Variants in SRGAP3 observed in about 807,000 individuals in gnomAD.
The protein encoded by SRGAP3 is SLIT-ROBO Rho GTPase-activating protein 3.
Under a neutral mutation model 121.1 loss-of-function variants are expected in SRGAP3, and 39 were observed. The ratio of observed to expected loss-of-function variants is 0.32; its 90% CI spans 0.25 to 0.42. SRGAP3 has a LOEUF of 0.42. SRGAP3 is among the 10% of genes least tolerant of loss of function. SRGAP3 has a pLI of 1.00. For missense variants in SRGAP3, 1,213 were observed against 1,470.6 expected (o/e 0.82, Z 2.86); for synonymous variants, 601 against 570.0 (o/e 1.05, Z -0.77).
At chr3:9,052,466 A>C (rs567617671) in intron 9 of SRGAP3, among the ~76,000 whole-genome samples, 2 of 152,328 alleles carry the variant, frequency 1.3e-5, no homozygotes, top group Non-Finnish European at 2.9e-5. Flanking sequence ...GGAAGATTTA[A>C]GGTCCCTTAC....
Position 8,982,991 on chromosome 3 carries a change from G to A in SRGAP3, c.*2528C>T, listed in dbSNP as rs1158143162. The A allele has an allele frequency of 1.3e-5, 3 of 229,086 alleles. No individual in the cohort carries two copies. Among genetic ancestry groups the A allele is most frequent in the South Asian group, 1.8e-4 (1 of 5,478 alleles). The allele number at this position is 229,086 out of a possible 1,614,324, so 14.2% of individuals were successfully genotyped here. The stretch of plus-strand genomic sequence containing the variant: ...GGTCTGATTGGTGTTATGTATATCA[G>A]GCAACAGATTTTTCTACTCTGATTG... On this transcript the variant is annotated 3_prime_UTR_variant, in exon 22 of 22. Transcript: ENST00000383836.
intron 1 of SRGAP3, among the ~76,000 whole-genome samples, chr3:9,161,443 AT>A (rs1384024898): frequency 6.6e-6 from 1 of 152,154 alleles, no homozygotes; most frequent in Non-Finnish European, 1.5e-5. Context: ...GTGTCATCTC[AT>A]TGGATCTTCA....
At chr3:9,075,630 T>C (rs1946941445) in intron 4 of SRGAP3, among the ~76,000 whole-genome samples, 2 of 152,188 alleles carry the variant, frequency 1.3e-5, no homozygotes, top group Admixed American at 6.5e-5. Context: ...TTAGCATTTA[T>C]CTCCACCATC....
At chr3:9,261,061 G>A (rs537620506) in intron 3 of SRGAP3, among the ~76,000 whole-genome samples, 21 of 152,288 alleles carry the variant, frequency 1.4e-4, no homozygotes, top group Non-Finnish European at 2.8e-4. Context: ...AGGCAAACAG[G>A]ATCTGGAGTG....
intron 3 of SRGAP3, among the ~76,000 whole-genome samples, chr3:9,299,637 A>G (rs977112395): frequency 6.6e-6 from 1 of 151,642 alleles, no homozygotes; most frequent in Non-Finnish European, 1.5e-5. Flanking sequence ...CGGCCAGGTG[A>G]GGTGGCTCAC....
chr3:9,039,966 T>G (rs1281890778), intron 10 of SRGAP3, among the ~76,000 whole-genome samples: 1 of 152,194 alleles, frequency 6.6e-6, no homozygotes, highest in Non-Finnish European at 1.5e-5. Flanking sequence ...TTCACCCAAG[T>G]CTTCAATATC....
At position 8,993,176 on chromosome 3, in the gene SRGAP3, C is replaced by G. The variant is rs575535312; in HGVS notation, c.2409-121G>C. Reference sequence around the variant, plus strand: ...ACAACTTATGGTTACTTTGTGCCCACAGCGCTTGCTAGGCCACTGCCCACT... The same window carrying G: ...ACAACTTATGGTTACTTTGTGCCCAGAGCGCTTGCTAGGCCACTGCCCACT... On this transcript the variant is annotated intron_variant, in intron 19 of 21. Coordinates refer to ENST00000383836, the MANE Select transcript of SRGAP3 (RefSeq NM_014850.4). 2.5e-5 allele frequency: 38 copies of G among 1,503,580 alleles called. No homozygotes were observed. The South Asian group carries it at 3.8e-4, about 15-fold the overall frequency. The allele number at this position is 1,503,580 out of a possible 1,614,324, so 93.1% of individuals were successfully genotyped here.
intron 1 of SRGAP3, among the ~76,000 whole-genome samples, chr3:9,150,403 A>G (rs563706690): frequency 6.6e-6 from 1 of 152,150 alleles, no homozygotes; most frequent in South Asian, 2.1e-4. Flanking sequence ...TCTTCATCCC[A>G]GGCACTTTTT....
intron 3 of SRGAP3, among the ~76,000 whole-genome samples, chr3:9,090,332 C>G (rs960642957): frequency 1.1e-4 from 16 of 152,030 alleles, no homozygotes; most frequent in African/African-American, 3.9e-4. Context: ...TGTGGATGAG[C>G]TCAGCATTGT....
chr3:9,039,300 C>CCT (rs1944912690), intron 10 of SRGAP3, among the ~76,000 whole-genome samples: 2 of 152,274 alleles, frequency 1.3e-5, no homozygotes, highest in African/African-American at 4.8e-5. Flanking sequence ...TTCTGCCCAA[C>CCT]CTCAAACCTC....
intron 1 of SRGAP3, among the ~76,000 whole-genome samples, chr3:9,136,168 C>T (rs1477831219): frequency 6.6e-6 from 1 of 152,148 alleles, no homozygotes; most frequent in East Asian, 1.9e-4. Context: ...GCAGGCCTGG[C>T]CCACGTTTCG....
intron 1 of SRGAP3, among the ~76,000 whole-genome samples, chr3:9,332,232 G>A (rs1955620866): frequency 6.6e-6 from 1 of 152,110 alleles, no homozygotes; most frequent in Non-Finnish European, 1.5e-5. Context: ...CAATTTTCAT[G>A]CCTCAGCCTC....
intron 18 of SRGAP3, among the ~76,000 whole-genome samples, chr3:8,999,360 A>T (rs1942609520): frequency 6.6e-6 from 1 of 152,222 alleles, no homozygotes; most frequent in Non-Finnish European, 1.5e-5. Flanking sequence ...AGATGAAAAG[A>T]CATGTTGAAG....
At chr3:9,315,076 T>C (rs1955321485) in intron 3 of SRGAP3, among the ~76,000 whole-genome samples, 2 of 152,214 alleles carry the variant, frequency 1.3e-5, no homozygotes, top group Non-Finnish European at 2.9e-5. Context: ...GCTGGTCTGG[T>C]AGGGCTGGCC....
intron 1 of SRGAP3, among the ~76,000 whole-genome samples, chr3:9,125,834 C>T (rs550850902): frequency 1.3e-5 from 2 of 152,318 alleles, no homozygotes; most frequent in South Asian, 4.1e-4. Flanking sequence ...AAATACCCCA[C>T]GGCTCCCCTC....
intron 1 of SRGAP3, among the ~76,000 whole-genome samples, chr3:9,209,796 C>T (rs1430205018): frequency 6.6e-6 from 1 of 152,136 alleles, no homozygotes; most frequent in Non-Finnish European, 1.5e-5. Context: ...TGTAGCTAGG[C>T]ACTCAAAAAG....
At chr3:9,125,366 A>C (rs947100982) in intron 1 of SRGAP3, among the ~76,000 whole-genome samples, 2 of 152,246 alleles carry the variant, frequency 1.3e-5, no homozygotes, top group African/African-American at 4.8e-5. Context: ...GTAAAATTCT[A>C]TCTAGAGACA....
At chr3:9,110,235 T>C (rs1421613230) in intron 2 of SRGAP3, among the ~76,000 whole-genome samples, 2 of 151,910 alleles carry the variant, frequency 1.3e-5, no homozygotes, top group Non-Finnish European at 2.9e-5. Flanking sequence ...AGTTTTTGGT[T>C]TGGGCACCTG....
chr3:9,196,217 T>A (rs1433757235), intron 1 of SRGAP3, among the ~76,000 whole-genome samples: 3 of 152,208 alleles, frequency 2.0e-5, no homozygotes, highest in Non-Finnish European at 4.4e-5. Context: ...GGGCGGGGTT[T>A]TCCTAGAGAC....
Sources: gnomAD v4.1 joint callset for allele counts (sites outside exome capture counted in the v4.1 genomes callset) on GRCh38, gnomAD v4.1.1 for gene constraint, MANE v1.5 for transcripts, NCBI Gene and HGNC (gene_info 2026-07-23, HGNC 2026-07-21) for gene names.